The following ZNF469 variants were observed in gnomAD, a reference collection of about 807,000 sequenced individuals.
ZNF469 encodes zinc finger protein 469.
A neutral mutation model predicts 1.0 loss-of-function variants in ZNF469; 1 was observed. The observed-to-expected ratio is 1.00, with a 90% CI of 0.35 to 4.73. ZNF469 has a LOEUF of 4.73. Among genes scored for constraint, ZNF469 ranks in the 30% most tolerant of loss-of-function variants. The pLI is 0.16. For missense variants in ZNF469, 6,100 were observed against 5,356.3 expected, an observed-to-expected ratio of 1.14 and a Z score of -4.33; for synonymous variants, 2,703 against 2,363.4, an observed-to-expected ratio of 1.14 and a Z score of -4.17.
the ZNF469 span, among the ~76,000 whole-genome samples, chr16:88,308,732 A>G: frequency 1.3e-5 from 2 of 152,142 alleles, no homozygotes; most frequent in Non-Finnish European, 2.9e-5. Flanking sequence ...AGCACAGAAG[A>G]TTCTCAGGAG....
rs776830372 is a variant in ZNF469 at position 88,420,488 on chromosome 16, T to C, written c.-191-4319T>C. ...GTGAAACTGAGGCCAGGAGGCCCAA[T>C]TGGACAGTGGCACTCCAGTTGGGCA... On this transcript the variant is annotated intron_variant, in intron 1 of 2. Coordinates refer to ENST00000565624, the MANE Select transcript of ZNF469 (RefSeq NM_001367624.2). Among the ~76,000 whole-genome samples, 9 of 152,254 alleles carry C rather than the reference T, an allele frequency of 5.9e-5. No homozygotes were observed. In the East Asian group the frequency reaches 7.7e-4, roughly 13 times the overall value.
chr16:88,140,698 G>A, the ZNF469 span, among the ~76,000 whole-genome samples: 3 of 152,314 alleles, frequency 2.0e-5, no homozygotes, highest in Admixed American at 6.5e-5. Flanking sequence ...TTGGGAAGCC[G>A]AGGTGGGTGG....
the ZNF469 span, among the ~76,000 whole-genome samples, chr16:88,370,174 C>A: frequency 6.6e-6 from 1 of 152,206 alleles, no homozygotes; most frequent in Admixed American, 6.5e-5. Context: ...TGAGTGCAGA[C>A]GTCTCTTATA....
the ZNF469 span, among the ~76,000 whole-genome samples, chr16:88,305,403 C>T: frequency 3.4e-4 from 51 of 149,034 alleles, no homozygotes; most frequent in African/African-American, 8.2e-4. Context: ...TGCACACACA[C>T]GCTCACAGGC....
the ZNF469 span, among the ~76,000 whole-genome samples, chr16:88,349,908 A>G: frequency 0.011 from 4 of 378 alleles, no homozygotes; most frequent in Non-Finnish European, 0.026. Flanking sequence ...ATCACACACA[A>G]TACACACTAC....
Position 88,429,596 on chromosome 16 carries a change from C to T in ZNF469, c.2126C>T (p.Pro709Leu), listed in dbSNP as rs1017679214. ...RGGLQGFPRA[P>L]PPYPTHHFSL... Reference sequence around the variant, plus strand: ...GGGCTGCAGGGCTTCCCCCGTGCGCCGCCTCCGTACCCCACACACCACTTC... The same window carrying T: ...GGGCTGCAGGGCTTCCCCCGTGCGCTGCCTCCGTACCCCACACACCACTTC... Residue 709 changes from proline (P) to leucine (L), a missense_variant, in exon 3 of 3, where the codon CCG (proline) becomes CTG (leucine). Physicochemically the swap from Pro to Leu is moderately conservative, Grantham distance 98. Coordinates refer to ENST00000565624, the MANE Select transcript of ZNF469 (RefSeq NM_001367624.2). 20 of 1,549,058 alleles carry T rather than the reference C, an allele frequency of 1.3e-5. No individual in the cohort carries two copies. The highest frequency in any genetic ancestry group is 2.7e-5 in the African/African-American group (2 of 73,044).
chr16:88,122,252 G>A, the ZNF469 span, among the ~76,000 whole-genome samples: 4 of 149,086 alleles, frequency 2.7e-5, no homozygotes, highest in Admixed American at 6.7e-5. Context: ...CTACAGCCAC[G>A]GCAGCCACTC....
the ZNF469 span, among the ~76,000 whole-genome samples, chr16:88,300,530 C>G: frequency 3.5e-4 from 53 of 151,976 alleles, no homozygotes; most frequent in Middle Eastern, 3.2e-3. Flanking sequence ...CAGAAACCCA[C>G]CACCTAGCAG....
chr16:88,151,583 C>A, the ZNF469 span, among the ~76,000 whole-genome samples: 1 of 152,264 alleles, frequency 6.6e-6, no homozygotes, highest in Non-Finnish European at 1.5e-5. The surrounding 1 kb of genome is among the most constrained non-coding windows in gnomAD (Gnocchi z 5.4). Flanking sequence ...GTTAATATAA[C>A]TGTGTGCCTC....
chr16:88,143,139 TG>T, the ZNF469 span, among the ~76,000 whole-genome samples: 383 of 151,104 alleles, frequency 2.5e-3, 3 homozygotes, highest in African/African-American at 8.9e-3. Context: ...CCTGGGGGGG[TG>T]GGGGGCTCAG....
the ZNF469 span, among the ~76,000 whole-genome samples, chr16:88,284,347 G>A: frequency 5.9e-5 from 9 of 152,304 alleles, no homozygotes; most frequent in South Asian, 1.7e-3. Context: ...GCCTCCTGAA[G>A]TGGATGGTCT....
At chr16:88,349,828 G>A in the ZNF469 span, among the ~76,000 whole-genome samples, 12 of 2,100 alleles carry the variant, frequency 5.7e-3, no homozygotes, top group Admixed American at 0.019. Context: ...GCACACACAC[G>A]AGGCACCATA....
the ZNF469 span, among the ~76,000 whole-genome samples, chr16:88,264,605 A>G: frequency 4.0e-5 from 1 of 24,736 alleles, no homozygotes; most frequent in Non-Finnish European, 9.0e-5. Flanking sequence ...TCCCAGCCCC[A>G]TCTTCCTCCC....
the ZNF469 span, among the ~76,000 whole-genome samples, chr16:88,374,319 T>C: frequency 6.6e-6 from 1 of 152,164 alleles, no homozygotes; most frequent in African/African-American, 2.4e-5. Flanking sequence ...AGGAGTTTGC[T>C]AGCTGGCAAA....
chr16:88,414,294 G>A (rs904527569), intron 1 of ZNF469, among the ~76,000 whole-genome samples: 3 of 152,344 alleles, frequency 2.0e-5, no homozygotes, highest in East Asian at 1.9e-4. Context: ...CATCACGCCC[G>A]GGCTTCAGTC....
the ZNF469 span, among the ~76,000 whole-genome samples, chr16:88,149,788 A>G: frequency 1.3e-5 from 2 of 152,106 alleles, no homozygotes; most frequent in Admixed American, 1.3e-4. Context: ...TCCCTCTTTC[A>G]GTCTCAGGTT....
At chr16:88,225,319 C>T in the ZNF469 span, among the ~76,000 whole-genome samples, 1 of 152,218 alleles carries the variant, frequency 6.6e-6, no homozygotes, top group East Asian at 1.9e-4. Flanking sequence ...TGCATTGACT[C>T]GATTCAGAGT....
At chr16:88,297,819 A>C in the ZNF469 span, among the ~76,000 whole-genome samples, 1 of 152,202 alleles carries the variant, frequency 6.6e-6, no homozygotes, top group African/African-American at 2.4e-5. Context: ...AAACAAGGAC[A>C]CGTTTGCAGG....
the ZNF469 span, among the ~76,000 whole-genome samples, chr16:88,165,404 GT>G: frequency 6.6e-6 from 1 of 152,182 alleles, no homozygotes; most frequent in Non-Finnish European, 1.5e-5. Flanking sequence ...TTGCTGCGGG[GT>G]CTGCTGGTCT....
Sources: allele counts gnomAD v4.1 joint callset (sites outside exome capture counted in the v4.1 genomes callset), GRCh38; gene constraint gnomAD v4.1.1; non-coding constraint Gnocchi (gnomAD v3.1); transcripts MANE v1.5; gene names NCBI Gene and HGNC (gene_info 2026-07-23, HGNC 2026-07-21).